The following ZDHHC16 variants were observed in gnomAD, a reference collection of about 807,000 sequenced individuals.
ZDHHC16 encodes zDHHC palmitoyltransferase 16.
In ZDHHC16, 33 loss-of-function variants were observed where a neutral mutation model predicts 54.4. The observed-to-expected ratio is 0.61, with a 90% CI of 0.46 to 0.81. The LOEUF (loss-of-function observed/expected upper bound fraction) is 0.81. Ranked by LOEUF, ZDHHC16 falls within the 30% of genes least tolerant of loss-of-function variation. The probability of loss-of-function intolerance (pLI) is 0.00; values close to 1 mark genes in which losing one functional copy is unlikely to be tolerated. For missense variants in ZDHHC16, 420 were observed against 485.9 expected (o/e 0.86, Z 1.28); for synonymous variants, 185 against 182.1 (o/e 1.02, Z -0.13).
rs1203373710 is a variant in ZDHHC16, at chr10:97,451,621, G to C, written c.-5-50G>C. 3 of 1,565,662 alleles carry C rather than the reference G, an allele frequency of 1.9e-6. No homozygotes were observed. The African/African-American group carries it at 4.1e-5, about 21-fold the overall frequency. On this transcript the variant is annotated intron_variant, in intron 2 of 11. Coordinates refer to ENST00000393760, the MANE Select transcript of ZDHHC16 (RefSeq NM_198046.3). ...TACTCTAGGCCTTCCCACTAGCGGG[G>C]TAGGGAGGGAGGGCTCAGACTAGAT... is the stretch of plus-strand genomic sequence containing the variant.
At chr10:97,452,534 C>T in intron 5 of ZDHHC16, 31 bp downstream of exon 5, 1 of 1,605,396 alleles carries the variant, frequency 6.2e-7, no homozygotes, top group South Asian at 1.1e-5. Flanking sequence ...CTGGGAATCC[C>T]AGCTGTGGTC....
intron 1 of ZDHHC16, among the ~76,000 whole-genome samples, chr10:97,447,107 C>G (rs561667386): frequency 6.6e-6 from 1 of 152,334 alleles, no homozygotes; most frequent in South Asian, 2.1e-4. Flanking sequence ...GTTGAAAAAG[C>G]CGAACTCTGG....
intron 4 of ZDHHC16, 45 bp downstream of exon 4, chr10:97,452,329 G>C (rs771066535): frequency 1.1e-5 from 18 of 1,612,560 alleles, no homozygotes; most frequent in Non-Finnish European, 8.5e-7. Flanking sequence ...GGCTATGGGA[G>C]CTGGTCCCAG....
In ZDHHC16 at chr10:97,451,792, G is replaced by C. The variant is rs766784631; in HGVS notation, c.117G>C (p.Trp39Cys). Residue 39 changes from tryptophan (W) to cysteine (C), a missense_variant, in exon 3 of 12, where the codon TGG becomes TGC. Coordinates refer to ENST00000393760, the MANE Select transcript of ZDHHC16 (RefSeq NM_198046.3). ...TACTCCGGGGTCTAGTACAGCGCTG[G>C]CGCTACGGCAAGGTCTGCCTGCGCT... ...PPLLRGLVQR[W>C]RYGKVCLRSL... is the part of the protein sequence containing the mutation. The C allele has an allele frequency of 6.8e-6, 11 of 1,614,076 alleles. No individual in the cohort carries two copies. The highest frequency in any genetic ancestry group is 8.5e-6 in the Non-Finnish European group (10 of 1,180,046).
At position 97,447,860 on chromosome 10, in the gene ZDHHC16, T is replaced by C. The variant is rs149797481; in HGVS notation, c.-186+1507T>C. On this transcript the variant is annotated intron_variant, in intron 1 of 11. Transcript: ENST00000393760. ...ATTGCTTGAACCCAGGAGGCGGAGG[T>C]TGTGGTGAGCCCAGATTGTGCCATT... Among the ~76,000 whole-genome samples the C allele has an allele frequency of 7.3e-3, 1,108 of 151,708 alleles. 27 individuals carry two copies. The East Asian group carries it at 0.074, about 10-fold the overall frequency.
At chr10:97,454,333 G>T (rs904385966) in intron 8 of ZDHHC16, among the ~76,000 whole-genome samples, 1 of 152,186 alleles carries the variant, frequency 6.6e-6, no homozygotes, top group Non-Finnish European at 1.5e-5. Context: ...GTCCCTAGTG[G>T]TTTTCCCCAC....
At chr10:97,454,936 C>G (rs1211753387) in intron 9 of ZDHHC16, 137 bp downstream of exon 9, 2 of 708,670 alleles carry the variant, frequency 2.8e-6, no homozygotes, top group African/African-American at 3.5e-5. Flanking sequence ...AGAGCCAGCA[C>G]TTTCTTCAGC....
chr10:97,454,450 T>C (rs561513328), intron 8 of ZDHHC16, among the ~76,000 whole-genome samples: 2 of 152,264 alleles, frequency 1.3e-5, no homozygotes, highest in African/African-American at 4.8e-5. Context: ...TGGAGCCCCA[T>C]TTGTGTTGTC....
In ZDHHC16 at chr10:97,452,446, G is replaced by T; in HGVS notation, c.470G>T (p.Cys157Phe). The change falls in exon 5 of 12, where the codon TGT becomes TTT. Residue 157 changes from cysteine to phenylalanine, a missense_variant. Physicochemically the swap from Cys to Phe is radical, Grantham distance 205. Coordinates refer to ENST00000393760, the MANE Select transcript of ZDHHC16 (RefSeq NM_198046.3). ...GRNDIATVSI[C>F]KKCIYPKPAR... ...AATGATATCGCCACCGTCTCCATCT[G>T]TAAGAAGTGCATTTACCCCAAGCCA... 1 of 1,614,210 alleles carries T rather than the reference G, an allele frequency of 6.2e-7. No homozygotes were observed. Among genetic ancestry groups the T allele is most frequent in the Non-Finnish European group, 8.5e-7 (1 of 1,180,026 alleles).
intron 11 of ZDHHC16, among the ~76,000 whole-genome samples, 190 bp from the exon 12 acceptor site, chr10:97,456,587 A>C (rs979150486): frequency 6.6e-6 from 1 of 152,238 alleles, no homozygotes; most frequent in Non-Finnish European, 1.5e-5. Flanking sequence ...TCGAAACCTT[A>C]AAAGGCCTTC....
chr10:97,456,881 T>C lies in ZDHHC16; in HGVS notation c.1124T>C (p.Met375Thr). 1.2e-6 allele frequency: 2 copies of C among 1,611,178 alleles called. No individual in the cohort carries two copies. Among genetic ancestry groups the C allele is most frequent in the Non-Finnish European group, 1.7e-6 (2 of 1,178,730 alleles). Residue 375 changes from methionine (M) to threonine (T), a missense_variant, in exon 12 of 12, where the codon ATG becomes ACG. By Grantham distance (81) the Met-to-Thr change is moderately conservative. Transcript: ENST00000393760. ...PWVTAHSASVMAV is the reference protein window; with the variant it reads ...PWVTAHSASVTAV The stretch of plus-strand genomic sequence containing the variant: ...GTGACTGCTCACTCAGCCTCTGTGA[T>C]GGCAGTGTGAGCTGGACTGTGTCAG...
In ZDHHC16 at chr10:97,452,267, C is replaced by G. The variant is rs753422139; in HGVS notation, c.421C>G (p.Pro141Ala). Residue 141 changes from proline to alanine, a missense_variant, in exon 4 of 12, where the codon CCT (proline) becomes GCT (alanine). Coordinates refer to ENST00000393760, the MANE Select transcript of ZDHHC16 (RefSeq NM_198046.3). Reference sequence around the variant, plus strand: ...CTACTACCAGGCCATCACCACTCCGCCTGGGTACCCACCCCAGGTGGGTCC... The same window carrying G: ...CTACTACCAGGCCATCACCACTCCGGCTGGGTACCCACCCCAGGTGGGTCC... Reference protein sequence around the residue: ...FHYYQAITTPPGYPPQGRNDI... With the variant: ...FHYYQAITTPAGYPPQGRNDI... 5 of 1,614,024 alleles carry G rather than the reference C, an allele frequency of 3.1e-6. No homozygotes were observed. In the African/African-American group the frequency reaches 6.7e-5, roughly 22 times the overall value.
At chr10:97,447,040 T>G (rs988647288) in intron 1 of ZDHHC16, among the ~76,000 whole-genome samples, 2 of 152,180 alleles carry the variant, frequency 1.3e-5, no homozygotes, top group African/African-American at 4.8e-5. Flanking sequence ...CAGCTTCCAG[T>G]CCTGCGGTCC....
chr10:97,453,065 C>A, intron 6 of ZDHHC16, 142 bp downstream of exon 6: 1 of 1,062,240 alleles, frequency 9.4e-7, no homozygotes, highest in Non-Finnish European at 1.4e-6. Flanking sequence ...CCTGGGAGAG[C>A]AGGAAGCTCA....
rs1342929809 is a variant in ZDHHC16, at chr10:97,457,009, A to C, written c.*118A>C. ...CAAAAAGAGCCAGTGGGCCTGCCTT[A>C]GGGTACCATGCAGGACAATTCAAGG... On this transcript the variant is annotated 3_prime_UTR_variant, in exon 12 of 12. Transcript: ENST00000393760. The C allele has an allele frequency of 2.8e-6, 2 of 719,808 alleles. No homozygotes were observed. Among genetic ancestry groups the C allele is most frequent in the African/African-American group, 3.6e-5 (2 of 56,106 alleles). 44.6% of individuals were successfully genotyped at this position (719,808 alleles called of 1,614,324 possible).
At position 97,452,077 on chromosome 10, in the gene ZDHHC16, CT is replaced by C. The variant is rs537461407; in HGVS notation, c.244-12del. Reference sequence around the variant, plus strand: ...CTTGCGCCATGTCTCCCTGACCTTGCTGGTGTTGGCAGGTGTTCGTGGTCCT... The same window carrying C: ...CTTGCGCCATGTCTCCCTGACCTTGCGGTGTTGGCAGGTGTTCGTGGTCCT... On this transcript the variant is annotated splice_polypyrimidine_tract_variant and intron_variant, in intron 3 of 11. Coordinates refer to ENST00000393760, the MANE Select transcript of ZDHHC16 (RefSeq NM_198046.3). 1.6e-4 allele frequency: 259 copies of C among 1,613,574 alleles called. No homozygotes were observed. The highest frequency in any genetic ancestry group is 2.1e-4 in the Non-Finnish European group (247 of 1,179,968).
At chr10:97,453,107 A>C (rs1564804821) in intron 6 of ZDHHC16, among the ~76,000 whole-genome samples, 184 bp downstream of exon 6, 1 of 152,196 alleles carries the variant, frequency 6.6e-6, no homozygotes, top group Non-Finnish European at 1.5e-5. Flanking sequence ...GGAGCAGGGA[A>C]TCTTTTAACA....
chr10:97,446,199 G>C lies in ZDHHC16; in HGVS notation c.-340G>C. The C allele has an allele frequency of 1.5e-6, 1 of 681,648 alleles. No individual in the cohort carries two copies. The highest frequency in any genetic ancestry group is 2.5e-6 in the Non-Finnish European group (1 of 404,938). 42.2% of individuals were successfully genotyped at this position (681,648 alleles called of 1,614,324 possible). A position where few individuals can be genotyped will look rare whatever the true frequency, so the allele number is the denominator to read the frequency against. On this transcript the variant is annotated 5_prime_UTR_variant, in exon 1 of 12. Transcript: ENST00000393760. ...TGTGGTTGAGGATGGGCTGGCGGCG[G>C]GTCCGGGTCCGCTGCCTGGCGCTGC...
rs895068040 is a variant in ZDHHC16, at chr10:97,456,887, T to C, written c.1130T>C (p.Val377Ala). ...GCTCACTCAGCCTCTGTGATGGCAG[T>C]GTGAGCTGGACTGTGTCAGCCACGA... ...VTAHSASVMA[V>A] is the part of the protein sequence containing the mutation. The change falls in exon 12 of 12, where the codon GTG becomes GCG. Residue 377 changes from valine to alanine, a missense_variant. Physicochemically the swap from Val to Ala is moderately conservative, Grantham distance 64. Coordinates refer to ENST00000393760, the MANE Select transcript of ZDHHC16 (RefSeq NM_198046.3). 2 of 1,610,022 alleles carry C rather than the reference T, an allele frequency of 1.2e-6. No individual in the cohort carries two copies. Among genetic ancestry groups the C allele is most frequent in the Non-Finnish European group, 1.7e-6 (2 of 1,178,192 alleles).
Sources: gnomAD v4.1 joint callset for allele counts (sites outside exome capture counted in the v4.1 genomes callset) on GRCh38, gnomAD v4.1.1 for gene constraint, MANE v1.5 for transcripts, NCBI Gene and HGNC (gene_info 2026-07-23, HGNC 2026-07-21) for gene names.